GIGYF1: variants seen among roughly 807,000 people sequenced by gnomAD.
GIGYF1 encodes the protein GRB10-interacting GYF protein 1.
In GIGYF1, 84 loss-of-function variants were observed where a neutral mutation model predicts 147.1. That is an observed-to-expected ratio of 0.57 (90% CI 0.48 to 0.68). The LOEUF is 0.68. Among genes scored for constraint, GIGYF1 ranks in the 30% least tolerant of loss-of-function variants. The probability of loss-of-function intolerance (pLI) is 0.00; values close to 1 mark genes in which losing one functional copy is unlikely to be tolerated. For missense variants in GIGYF1, 1,485 were observed against 1,393.7 expected (o/e 1.07, Z -1.04); for synonymous variants, 752 against 589.5 (o/e 1.28, Z -3.99).
In GIGYF1 at chr7:100,686,327, C is replaced by T. The variant is rs1334399430; in HGVS notation, c.801G>A (p.Arg267=). 6.2e-7 allele frequency: 1 copy of T among 1,613,786 alleles called. No homozygotes were observed. Among genetic ancestry groups the T allele is most frequent in the Admixed American group, 1.7e-5 (1 of 59,976 alleles). Residue 267 remains arginine, a synonymous_variant, in exon 11 of 27, where the codon CGG becomes CGA. Transcript: ENST00000678049. ...GCAGGTGAGAGCTGCCTCCCCCTCC[C>T]CGCCCCTCCTCTTCACCACACCCTC... The part of the protein sequence containing the change: ...DRGGCGEEEG[R]GGGGSSHLRR...
rs753444113 is a variant in GIGYF1, at chr7:100,687,849, G to A, written c.200C>T (p.Ala67Val). ...PEELQDKEFA[A>V]VLQDEPLQPL... ...CTGCAGTGGCTCGTCCTGCAGCACC[G>A]CGGCGAACTCCTTGTCCTGCAGCTC... is the stretch of plus-strand genomic sequence containing the variant. Residue 67 changes from alanine (A) to valine (V), a missense_variant, in exon 6 of 27, where the codon GCG becomes GTG. Coordinates refer to ENST00000678049, the MANE Select transcript of GIGYF1 (RefSeq NM_001375765.1). The A allele has an allele frequency of 1.7e-5, 27 of 1,612,894 alleles. No individual in the cohort carries two copies. Among genetic ancestry groups the A allele is most frequent in the Admixed American group, 1.7e-4 (10 of 60,012 alleles).
rs931899952 is a variant in GIGYF1, at chr7:100,680,813, G to A, written c.*906C>T. 5 of 152,794 alleles carry A rather than the reference G, an allele frequency of 3.3e-5. No individual in the cohort carries two copies. The highest frequency in any genetic ancestry group is 7.3e-5 in the Non-Finnish European group (5 of 68,146). The allele number at this position is 152,794 out of a possible 1,614,324, so 9.5% of individuals were successfully genotyped here. A position where few individuals can be genotyped will look rare whatever the true frequency, so the allele number is the denominator to read the frequency against. On this transcript the variant is annotated 3_prime_UTR_variant, in exon 27 of 27. Transcript: ENST00000678049. The stretch of plus-strand genomic sequence containing the variant: ...GGTGAGGCAGCTCAGGCAGGGGTGA[G>A]GCGGGGGCTTGTGGCCCAAAGAATA...
chr7:100,679,805 C>T lies in GIGYF1; in HGVS notation c.*1914G>A, dbSNP rs534202782. 3.4e-4 allele frequency: 52 copies of T among 152,668 alleles called. No homozygotes were observed. Among genetic ancestry groups the T allele is most frequent in the African/African-American group, 1.2e-3 (51 of 41,510 alleles). 9.5% of individuals were successfully genotyped at this position (152,668 alleles called of 1,614,324 possible). On this transcript the variant is annotated 3_prime_UTR_variant, in exon 27 of 27. Coordinates refer to ENST00000678049, the MANE Select transcript of GIGYF1 (RefSeq NM_001375765.1). Reference sequence around the variant, plus strand: ...GGATGGGGGTGGGAGAGGGCTCCCCCTATACTTCCTCACAGGGTTAAGGCC... The same window carrying T: ...GGATGGGGGTGGGAGAGGGCTCCCCTTATACTTCCTCACAGGGTTAAGGCC...
In GIGYF1 at chr7:100,686,324, T is replaced by G; in HGVS notation, c.804A>C (p.Gly268=). Residue 268 remains glycine (G), a synonymous_variant, in exon 11 of 27, where the codon GGA becomes GGC. Transcript: ENST00000678049. ...GCCGCAGGTGAGAGCTGCCTCCCCC[T>G]CCCCGCCCCTCCTCTTCACCACACC... ...RGGCGEEEGR[G]GGGSSHLRRC... The G allele has an allele frequency of 1.3e-6, 2 of 1,577,240 alleles. No individual in the cohort carries two copies. The highest frequency in any genetic ancestry group is 1.4e-5 in the African/African-American group (1 of 73,404).
At chr7:100,691,306 C>T (rs1805805840) in intron 1 of GIGYF1, among the ~76,000 whole-genome samples, 1 of 152,186 alleles carries the variant, frequency 6.6e-6, no homozygotes, top group South Asian at 2.1e-4. Context: ...TGCGCCAGTG[C>T]TGAGACACCC....
At position 100,685,351 on chromosome 7, in the gene GIGYF1, C is replaced by T. The variant is rs185698007; in HGVS notation, c.1185G>A (p.Ala395=). The T allele has an allele frequency of 1.3e-4, 205 of 1,596,264 alleles. No individual in the cohort carries two copies. The East Asian group carries it at 3.1e-3, about 24-fold the overall frequency. Residue 395 remains alanine (A), a synonymous_variant, in exon 13 of 27, where the codon GCG becomes GCA. Coordinates refer to ENST00000678049, the MANE Select transcript of GIGYF1 (RefSeq NM_001375765.1). ...GDETAEKEPP[A]AEDDIRGIQL... is the part of the protein sequence containing the mutation. ...GCCATCCTCCCTTCCTACCTTCGGCCGCTGGGGGCTCTTTCTCTGCAGTTT... is the reference window on the plus strand; with the variant it reads ...GCCATCCTCCCTTCCTACCTTCGGCTGCTGGGGGCTCTTTCTCTGCAGTTT...
In GIGYF1 at chr7:100,679,888, G is replaced by GCT. The variant is rs1804562350; in HGVS notation, c.*1830_*1831insAG. Reference sequence around the variant, plus strand: ...TCTCTTTAGCTGGGGAGAAGAGACAGGAAGAGTGTCCCCCTTCCCCTGCAT... The same window carrying GCT: ...TCTCTTTAGCTGGGGAGAAGAGACAGCTGAAGAGTGTCCCCCTTCCCCTGCAT... On this transcript the variant is annotated 3_prime_UTR_variant, in exon 27 of 27. Transcript: ENST00000678049. 6.6e-6 allele frequency: 1 copy of GCT among 152,628 alleles called. No individual in the cohort carries two copies. Among genetic ancestry groups the GCT allele is most frequent in the African/African-American group, 2.4e-5 (1 of 41,408 alleles). 9.5% of individuals were successfully genotyped at this position (152,628 alleles called of 1,614,324 possible).
chr7:100,693,535 G>A (rs1019796360), intron 1 of GIGYF1, among the ~76,000 whole-genome samples: 11 of 152,314 alleles, frequency 7.2e-5, no homozygotes, highest in South Asian at 2.1e-4. Context: ...CTGGGTGGAG[G>A]GCAAGGCTTC....
At chr7:100,682,019 G>T (rs776201230) in intron 25 of GIGYF1, 26 bp from the exon 26 acceptor site, 1 of 1,610,034 alleles carries the variant, frequency 6.2e-7, no homozygotes, top group South Asian at 1.1e-5. Flanking sequence ...GGAGGGTGAA[G>T]GTCAGGAGGC....
chr7:100,686,038 G>A lies in GIGYF1; in HGVS notation c.990C>T (p.Asp330=), dbSNP rs1164740466. Residue 330 remains aspartate, a synonymous_variant, in exon 12 of 27, where the codon GAC becomes GAT. Coordinates refer to ENST00000678049, the MANE Select transcript of GIGYF1 (RefSeq NM_001375765.1). ...KEPIPEEQEL[D]FQGLEEEEEP... The stretch of plus-strand genomic sequence containing the variant: ...CCTCCTCCTCCTCCAACCCTTGGAA[G>A]TCCAGCTCCTGCTCCTCAGGAATGG... 3 of 1,612,626 alleles carry A rather than the reference G, an allele frequency of 1.9e-6. No individual in the cohort carries two copies. Among genetic ancestry groups the A allele is most frequent in the Middle Eastern group, 1.7e-4 (1 of 5,722 alleles).
intron 1 of GIGYF1, among the ~76,000 whole-genome samples, chr7:100,689,888 A>G (rs1184370281): frequency 6.6e-6 from 1 of 152,202 alleles, no homozygotes; most frequent in Non-Finnish European, 1.5e-5. Context: ...CCAAAAAAGG[A>G]GAGCTACCCC....
rs888919719 is a variant in GIGYF1, at chr7:100,686,021, T to G, written c.1007A>C (p.Glu336Ala). 1.9e-6 allele frequency: 3 copies of G among 1,611,108 alleles called. No homozygotes were observed. The African/African-American group carries it at 4.0e-5, about 22-fold the overall frequency. ...TAGCCCTTCGGAAGGTTCCTCCTCC[T>G]CCTCCAACCCTTGGAAGTCCAGCTC... ...EQELDFQGLEEEEEPSEGLEE... is the reference protein window; with the variant it reads ...EQELDFQGLEAEEEPSEGLEE... The change falls in exon 12 of 27, where the codon GAG becomes GCG. Residue 336 changes from glutamate to alanine, a missense_variant. Coordinates refer to ENST00000678049, the MANE Select transcript of GIGYF1 (RefSeq NM_001375765.1).
In GIGYF1 at chr7:100,686,633, C is replaced by T; in HGVS notation, c.694+16G>A. ...TCCCCACTGCCCCCGCCAATGCTAC[C>T]AGGCCCCAATCTCACCAGGGCTGGC... On this transcript the variant is annotated intron_variant, in intron 10 of 26. Coordinates refer to ENST00000678049, the MANE Select transcript of GIGYF1 (RefSeq NM_001375765.1). The T allele has an allele frequency of 1.9e-6, 3 of 1,603,134 alleles. No individual in the cohort carries two copies. The highest frequency in any genetic ancestry group is 1.7e-6 in the Non-Finnish European group (2 of 1,176,056).
Position 100,684,219 on chromosome 7 carries a change from ACCCCAGGCCCC to A in GIGYF1, c.1730+7_1730+17del. On this transcript the variant is annotated splice_region_variant and intron_variant, in intron 17 of 26. Transcript: ENST00000678049. ...CCAGCGCCGGGCCTTCTCCCAGCCCACCCCAGGCCCCCCATACCTGCTGACCAGCTGGAGAA... is the reference window on the plus strand; with the variant it reads ...CCAGCGCCGGGCCTTCTCCCAGCCCACCATACCTGCTGACCAGCTGGAGAA... 6.4e-7 allele frequency: 1 copy of A among 1,573,270 alleles called. No homozygotes were observed. Among genetic ancestry groups the A allele is most frequent in the African/African-American group, 1.4e-5 (1 of 73,974 alleles).
intron 6 of GIGYF1, 39 bp downstream of exon 6, chr7:100,687,749 C>A: frequency 1.2e-6 from 2 of 1,601,512 alleles, no homozygotes; most frequent in Non-Finnish European, 1.7e-6. Flanking sequence ...GGCCTCCCCT[C>A]CCAGGCTCCC....
chr7:100,683,702 G>T, intron 19 of GIGYF1, 70 bp from the exon 20 acceptor site: 2 of 1,555,352 alleles, frequency 1.3e-6, no homozygotes, highest in South Asian at 1.1e-5. Flanking sequence ...TCCAGCCGCA[G>T]CAGTGGGCTC....
rs1562874060 is a variant in GIGYF1 at position 100,684,094 on chromosome 7, T to TGGTGGC, written c.1788_1793dup (p.Pro601_Pro602dup). On this transcript the variant is annotated inframe_insertion, in exon 18 of 27. Transcript: ENST00000678049. ...GCTGCTGCTGCTGTGGCGGCGGCGG[T>TGGTGGC]GGTGGCGGTGTCAGGTCCCCCAGAG... The TGGTGGC allele has an allele frequency of 3.1e-6, 5 of 1,602,678 alleles. No homozygotes were observed. Among genetic ancestry groups the TGGTGGC allele is most frequent in the Middle Eastern group, 1.7e-4 (1 of 5,970 alleles).
chr7:100,683,451 C>A lies in GIGYF1; in HGVS notation c.2053-7G>T. On this transcript the variant is annotated splice_polypyrimidine_tract_variant and splice_region_variant and intron_variant, in intron 20 of 26. Coordinates refer to ENST00000678049, the MANE Select transcript of GIGYF1 (RefSeq NM_001375765.1). ...CTTCTCTGCGCTCCTGGAACTGAGA[C>A]CAGTGGCCCATCAGAGGGGAGAGCT... 1 of 1,614,158 alleles carries A rather than the reference C, an allele frequency of 6.2e-7. No homozygotes were observed. Among genetic ancestry groups the A allele is most frequent in the Non-Finnish European group, 8.5e-7 (1 of 1,180,004 alleles).
At chr7:100,685,305 C>A in intron 13 of GIGYF1, 39 bp downstream of exon 13, 2 of 1,555,052 alleles carry the variant, frequency 1.3e-6, no homozygotes, top group Non-Finnish European at 1.7e-6. Context: ...CTCCCACAGC[C>A]CCAGCGCACC....
Sources: allele counts gnomAD v4.1 joint callset (sites outside exome capture counted in the v4.1 genomes callset), GRCh38; gene constraint gnomAD v4.1.1; transcripts MANE v1.5; gene names NCBI Gene and HGNC (gene_info 2026-07-23, HGNC 2026-07-21).